The following GSE1 variants were observed in gnomAD, a reference collection of about 807,000 sequenced individuals.
GSE1 encodes Gse1 coiled-coil protein, also known as genetic suppressor element 1.
In GSE1, 32 loss-of-function variants were observed where a neutral mutation model predicts 112.6. The ratio of observed to expected loss-of-function variants is 0.28; its 90% CI spans 0.21 to 0.38. GSE1 has a LOEUF of 0.38. Ranked by LOEUF, GSE1 falls within the 10% of genes least tolerant of loss-of-function variation. The pLI is 1.00. For synonymous variants in GSE1, 1,115 were observed against 735.6 expected (o/e 1.52, Z -8.35); for missense variants, 2,348 against 1,699.2 (o/e 1.38, Z -6.71).
At chr16:85,552,877 T>G (rs1340193691), upstream of GSE1, among the ~76,000 whole-genome samples, 1 of 152,258 alleles carries the variant, frequency 6.6e-6, no homozygotes, top group Non-Finnish European at 1.5e-5. Flanking sequence ...GTACAGCTAT[T>G]GTGTAATGAC....
chr16:85,237,510 T>C (rs146712251), intron 1 of GSE1, among the ~76,000 whole-genome samples: 1,535 of 151,942 alleles, frequency 0.01, 7 homozygotes, highest in Non-Finnish European at 0.017. Flanking sequence ...GCTTGGGGTT[T>C]GGCTTCTCCG....
chr16:85,170,498 A>T (rs1462255541), exon 1 of GSE1: 5 of 985,670 alleles, frequency 5.1e-6, no homozygotes, highest in Non-Finnish European at 6.0e-6. Flanking sequence ...AGTGACATCA[A>T]CATCACCAGT....
At chr16:85,263,134 C>A (rs1034205274) in intron 1 of GSE1, among the ~76,000 whole-genome samples, 1 of 152,178 alleles carries the variant, frequency 6.6e-6, no homozygotes, top group Non-Finnish European at 1.5e-5. Flanking sequence ...AGGAAGCTCA[C>A]GCTTGGAGAG....
chr16:85,418,653 A>G (rs975911488), intron 2 of GSE1, among the ~76,000 whole-genome samples: 6 of 152,166 alleles, frequency 3.9e-5, no homozygotes, highest in Non-Finnish European at 8.8e-5. Flanking sequence ...AAGAGGACAC[A>G]GTCTAGTGCC....
intron 1 of GSE1, among the ~76,000 whole-genome samples, chr16:85,192,269 C>A (rs1010040397): frequency 1.3e-5 from 2 of 152,208 alleles, no homozygotes; most frequent in African/African-American, 4.8e-5. Context: ...GGGTTCAAAT[C>A]GGGGCTCTAC....
intron 2 of GSE1, among the ~76,000 whole-genome samples, chr16:85,431,259 C>T (rs1257942911): frequency 6.6e-6 from 1 of 152,222 alleles, no homozygotes; most frequent in African/African-American, 2.4e-5. Context: ...TGTGGAGGAG[C>T]TGCTGGCAGA....
intron 1 of GSE1, among the ~76,000 whole-genome samples, chr16:85,596,292 T>C (rs930530399): frequency 2.6e-5 from 4 of 152,088 alleles, no homozygotes; most frequent in African/African-American, 2.4e-5. Flanking sequence ...ATCACTGACT[T>C]GGGAAATGAA....
intron 2 of GSE1, among the ~76,000 whole-genome samples, chr16:85,401,199 C>T (rs1050753403): frequency 2.6e-5 from 4 of 152,194 alleles, no homozygotes; most frequent in African/African-American, 9.6e-5. Context: ...AGGCCAACGT[C>T]ATGCGTTATT....
At chr16:85,646,911 C>T (rs529001646) in intron 2 of GSE1, among the ~76,000 whole-genome samples, 191 of 152,080 alleles carry the variant, frequency 1.3e-3, no homozygotes, top group Non-Finnish European at 2.3e-3. Flanking sequence ...GTGGGGGCTC[C>T]GGAAGCGAGG....
intron 3 of GSE1, among the ~76,000 whole-genome samples, chr16:85,652,423 T>G (rs547018351): frequency 4.6e-5 from 7 of 152,044 alleles, no homozygotes; most frequent in Non-Finnish European, 1.0e-4. Flanking sequence ...CCTCCCACCC[T>G]CGAGACCAGC....
At chr16:85,337,381 C>T (rs1318082501) in intron 1 of GSE1, among the ~76,000 whole-genome samples, 2 of 150,894 alleles carry the variant, frequency 1.3e-5, no homozygotes, top group Non-Finnish European at 3.0e-5. Context: ...TCTCGGCTCA[C>T]TGCAAGCTCC....
Position 85,596,510 on chromosome 16 carries a change from C to G in GSE1, c.37+40147C>G, listed in dbSNP as rs139355548. Among the ~76,000 whole-genome samples the G allele has an allele frequency of 5.7e-3, 876 of 152,354 alleles. 6 individuals carry two copies. The highest frequency in any genetic ancestry group is 0.02 in the African/African-American group (830 of 41,584). On this transcript the variant is annotated intron_variant, in intron 1 of 2. Coordinates refer to the GSE1 transcript ENST00000635906. ...GTTTTCTCCATAAGCCCACATACAC[C>G]TCACAGACCAAATATCATAAACGTT...
chr16:85,600,560 AAAAC>A (rs1272113371), intron 1 of GSE1, among the ~76,000 whole-genome samples: 1 of 146,098 alleles, frequency 6.8e-6, no homozygotes, highest in Admixed American at 6.6e-5. Context: ...GCCTTGTTAA[AAAAC>A]ACACACACAC....
At chr16:85,217,477 C>T (rs968822320) in intron 1 of GSE1, among the ~76,000 whole-genome samples, 6 of 152,198 alleles carry the variant, frequency 3.9e-5, no homozygotes, top group African/African-American at 1.2e-4. Flanking sequence ...CCTGAGCCAG[C>T]GGCTCCTCCA....
chr16:85,423,211 G>C (rs1375819857), intron 2 of GSE1, among the ~76,000 whole-genome samples: 1 of 152,228 alleles, frequency 6.6e-6, no homozygotes, highest in Non-Finnish European at 1.5e-5. Flanking sequence ...TCTCTGCAGG[G>C]AAGGGGCAAA....
chr16:85,479,909 G>GTT (rs2050619033), intron 2 of GSE1, among the ~76,000 whole-genome samples: 1 of 152,168 alleles, frequency 6.6e-6, no homozygotes, highest in South Asian at 2.1e-4. Flanking sequence ...ATCGAGGTTT[G>GTT]TTTTCTCCTC....
chr16:85,611,879 C>T (rs1369131583), upstream of GSE1, among the ~76,000 whole-genome samples: 2 of 115,224 alleles, frequency 1.7e-5, no homozygotes, highest in Admixed American at 8.0e-5. Flanking sequence ...GGGAGGAAGG[C>T]GGGGGAGGCG....
chr16:85,224,833 C>CAAA (rs34148489), intron 1 of GSE1, among the ~76,000 whole-genome samples: 2 of 107,532 alleles, frequency 1.9e-5, no homozygotes. Flanking sequence ...ACTAAAAATA[C>CAAA]AAAAAAAAAA....
Position 85,665,959 on chromosome 16 carries a change from C to T in GSE1, c.2759-17C>T, listed in dbSNP as rs1030671029. ...ACTTGCATTTCTTAATATTTTCCTTCACTTTGTCTCTAAAAGAACCAGCCA... is the reference window on the plus strand; with the variant it reads ...ACTTGCATTTCTTAATATTTTCCTTTACTTTGTCTCTAAAAGAACCAGCCA... On this transcript the variant is annotated splice_polypyrimidine_tract_variant and intron_variant, in intron 12 of 15. Transcript: ENST00000253458. 6.2e-7 allele frequency: 1 copy of T among 1,611,724 alleles called. No homozygotes were observed. The highest frequency in any genetic ancestry group is 8.5e-7 in the Non-Finnish European group (1 of 1,178,882).
Sources: allele counts gnomAD v4.1 joint callset (sites outside exome capture counted in the v4.1 genomes callset), GRCh38; gene constraint gnomAD v4.1.1; transcripts MANE v1.5; gene names NCBI Gene and HGNC (gene_info 2026-07-23, HGNC 2026-07-21).